TBL1XR1: variants seen among roughly 807,000 people sequenced by gnomAD.
TBL1XR1 encodes the protein TBL1X/Y related 1, also known as F-box-like/WD repeat-containing protein TBL1XR1.
A neutral mutation model predicts 66.9 loss-of-function variants in TBL1XR1; 5 were observed. The observed-to-expected ratio is 0.07, with a 90% CI of 0.04 to 0.16. TBL1XR1 has a LOEUF of 0.16. TBL1XR1 is among the 10% of genes least tolerant of loss of function. The pLI is 1.00. For synonymous variants in TBL1XR1, 210 were observed against 206.0 expected (o/e 1.02, Z -0.17); for missense variants, 238 against 623.2 (o/e 0.38, Z 6.58).
At chr3:177,168,281 ACCTTTT>A (rs1733061746) in intron 1 of TBL1XR1, among the ~76,000 whole-genome samples, 1 of 122,530 alleles carries the variant, frequency 8.2e-6, no homozygotes, top group Non-Finnish European at 1.8e-5. Context: ...ACGGAAATAA[ACCTTTT>A]TTTTTTTTTT....
At chr3:177,200,909 A>G (rs1374487417), upstream of TBL1XR1, among the ~76,000 whole-genome samples, 1 of 151,974 alleles carries the variant, frequency 6.6e-6, no homozygotes, top group Non-Finnish European at 1.5e-5. Context: ...TGGGAGGCTG[A>G]GGCAGGAGAA....
At chr3:177,030,666 A>G (rs1713852267) in intron 14 of TBL1XR1, among the ~76,000 whole-genome samples, 1 of 152,242 alleles carries the variant, frequency 6.6e-6, no homozygotes, top group African/African-American at 2.4e-5. Context: ...TGAGCAGTAG[A>G]TATATGAGTG....
chr3:177,022,830 G>C lies in TBL1XR1; in HGVS notation c.*2668C>G, dbSNP rs1367630471. ...GCATCGTGGCACATCAGCAGGCAAT[G>C]ATGATGTTGAGAACAGCAGCAAAAA... On this transcript the variant is annotated 3_prime_UTR_variant, in exon 16 of 16. Transcript: ENST00000457928. 6.6e-6 allele frequency: 1 copy of C among 152,418 alleles called. No homozygotes were observed. The highest frequency in any genetic ancestry group is 1.5e-5 in the Non-Finnish European group (1 of 67,922). The allele number at this position is 152,418 out of a possible 1,614,324, so 9.4% of individuals were successfully genotyped here.
Position 177,020,369 on chromosome 3 carries a change from TAATAAA to T in TBL1XR1, c.*5123_*5128del, listed in dbSNP as rs1271148521. 2.0e-5 allele frequency: 3 copies of T among 152,148 alleles called. No homozygotes were observed. Among genetic ancestry groups the T allele is most frequent in the Non-Finnish European group, 4.4e-5 (3 of 68,012 alleles). 9.4% of individuals were successfully genotyped at this position (152,148 alleles called of 1,614,324 possible). A position where few individuals can be genotyped will look rare whatever the true frequency, so the allele number is the denominator to read the frequency against. The stretch of plus-strand genomic sequence containing the variant: ...GCTGATTAGATGCTCTATTATACTT[TAATAAA>T]AATAGTAAATAACCCCTTCATTTAA... On this transcript the variant is annotated 3_prime_UTR_variant, in exon 16 of 16. Coordinates refer to ENST00000457928, the MANE Select transcript of TBL1XR1 (RefSeq NM_024665.7).
At chr3:177,060,124 A>T (rs1305736375) in intron 3 of TBL1XR1, among the ~76,000 whole-genome samples, 3 of 152,108 alleles carry the variant, frequency 2.0e-5, no homozygotes, top group African/African-American at 7.2e-5. Flanking sequence ...CTTGCCCCTC[A>T]ACTTGCAGAC....
chr3:177,183,310 T>C (rs929513860), intron 1 of TBL1XR1, among the ~76,000 whole-genome samples: 3 of 152,262 alleles, frequency 2.0e-5, no homozygotes, highest in Non-Finnish European at 4.4e-5. Context: ...GTACAGAAAA[T>C]GTGTGTGCAT....
chr3:177,115,190 G>C (rs1156650565), intron 1 of TBL1XR1, among the ~76,000 whole-genome samples: 1 of 151,754 alleles, frequency 6.6e-6, no homozygotes, highest in Admixed American at 6.6e-5. Context: ...ACCTGACCCA[G>C]CTTCCAATTA....
chr3:177,020,878 T>C lies in TBL1XR1; in HGVS notation c.*4620A>G, dbSNP rs1374960930. ...CAACAAGAAATGTGCCTAGAAAGGA[T>C]AAAAGGGTCACTGGGGACAAATCAT... On this transcript the variant is annotated 3_prime_UTR_variant, in exon 16 of 16. Transcript: ENST00000457928. 6.6e-6 allele frequency: 1 copy of C among 152,052 alleles called. No homozygotes were observed. Among genetic ancestry groups the C allele is most frequent in the African/African-American group, 2.4e-5 (1 of 41,410 alleles). The allele number at this position is 152,052 out of a possible 1,614,324, so 9.4% of individuals were successfully genotyped here. A position where few individuals can be genotyped will look rare whatever the true frequency, so the allele number is the denominator to read the frequency against.
chr3:177,096,233 T>G (rs1723458434), intron 2 of TBL1XR1, among the ~76,000 whole-genome samples: 1 of 152,132 alleles, frequency 6.6e-6, no homozygotes, highest in African/African-American at 2.4e-5. Context: ...AGCACATCTG[T>G]GCAAATATAT....
intron 1 of TBL1XR1, among the ~76,000 whole-genome samples, chr3:177,157,469 G>T (rs1396618411): frequency 6.6e-6 from 1 of 152,070 alleles, no homozygotes; most frequent in African/African-American, 2.4e-5. Context: ...ATAAAATTCT[G>T]AATTTAACAT....
At chr3:177,143,457 T>C (rs1729865496) in intron 1 of TBL1XR1, among the ~76,000 whole-genome samples, 1 of 152,200 alleles carries the variant, frequency 6.6e-6, no homozygotes, top group Non-Finnish European at 1.5e-5. Context: ...TTTTAAAACT[T>C]GTAAATGCTG....
At chr3:177,096,331 T>TACACACAC (rs756833949) in intron 2 of TBL1XR1, among the ~76,000 whole-genome samples, 1,953 of 100,724 alleles carry the variant, frequency 0.019, 47 homozygotes, top group African/African-American at 0.064. Flanking sequence ...CTAACATACA[T>TACACACAC]ACATACACAC....
chr3:177,067,299 T>C (rs140624658), intron 2 of TBL1XR1, among the ~76,000 whole-genome samples: 6 of 152,302 alleles, frequency 3.9e-5, no homozygotes, highest in African/African-American at 1.2e-4. Flanking sequence ...TTTCCCAAAA[T>C]GAGATGGGCT....
chr3:177,087,813 C>T (rs1373371993), intron 2 of TBL1XR1, among the ~76,000 whole-genome samples: 1 of 152,038 alleles, frequency 6.6e-6, no homozygotes, highest in Non-Finnish European at 1.5e-5. Flanking sequence ...TAAGAAATGG[C>T]CTTCAGTTTC....
At chr3:177,103,483 T>C (rs1408397623) in intron 1 of TBL1XR1, among the ~76,000 whole-genome samples, 2 of 152,242 alleles carry the variant, frequency 1.3e-5, no homozygotes, top group Non-Finnish European at 2.9e-5. Context: ...AAAGACACTG[T>C]TGACTTAGCA....
At chr3:177,168,024 T>C (rs894287283) in intron 1 of TBL1XR1, among the ~76,000 whole-genome samples, 3 of 152,184 alleles carry the variant, frequency 2.0e-5, no homozygotes, top group Admixed American at 6.6e-5. Flanking sequence ...GACTTTCAAA[T>C]AATAAATGGG....
chr3:177,038,276 A>G, intron 11 of TBL1XR1, 37 bp downstream of exon 11: 2 of 1,595,144 alleles, frequency 1.3e-6, no homozygotes, highest in Non-Finnish European at 1.7e-6. Context: ...TTACTTGTTA[A>G]TCATGACCAC....
chr3:177,116,735 T>C (rs1726353427), intron 1 of TBL1XR1, among the ~76,000 whole-genome samples: 1 of 152,210 alleles, frequency 6.6e-6, no homozygotes, highest in South Asian at 2.1e-4. Context: ...TAAAACAAGA[T>C]TGTAATGGTA....
At chr3:177,163,131 A>T (rs531195571) in intron 1 of TBL1XR1, among the ~76,000 whole-genome samples, 4 of 152,312 alleles carry the variant, frequency 2.6e-5, no homozygotes, top group African/African-American at 9.6e-5. Flanking sequence ...CCACAGACTG[A>T]GGCAACCTGA....
Sources: allele counts gnomAD v4.1 joint callset (sites outside exome capture counted in the v4.1 genomes callset), GRCh38; gene constraint gnomAD v4.1.1; transcripts MANE v1.5; gene names NCBI Gene and HGNC (gene_info 2026-07-23, HGNC 2026-07-21).